MRPS28: variants seen among roughly 807,000 people sequenced by gnomAD.
The protein encoded by MRPS28 is small ribosomal subunit protein bS1m.
Under a neutral mutation model 10.8 loss-of-function variants are expected in MRPS28, and 7 were observed. The ratio of observed to expected loss-of-function variants is 0.65; its 90% CI spans 0.37 to 1.22. The LOEUF is 1.22. Ranked by LOEUF, MRPS28 falls within the 50% of genes most tolerant of loss-of-function variation. MRPS28 has a pLI of 0.02. For synonymous variants in MRPS28, 121 were observed against 93.3 expected (o/e 1.30, Z -1.71); for missense variants, 265 against 232.9 (o/e 1.14, Z -0.90).
chr8:79,982,201 C>T (rs182769914), intron 2 of MRPS28, among the ~76,000 whole-genome samples: 3 of 152,102 alleles, frequency 2.0e-5, no homozygotes, highest in Admixed American at 6.6e-5. Context: ...GAGTCAAGAT[C>T]GCACCACTGC....
At chr8:79,981,029 C>T (rs1021570791) in intron 2 of MRPS28, among the ~76,000 whole-genome samples, 12 of 152,116 alleles carry the variant, frequency 7.9e-5, no homozygotes, top group African/African-American at 2.9e-4. Flanking sequence ...AAACAAAGAG[C>T]TTTAAAAATT....
intron 2 of MRPS28, among the ~76,000 whole-genome samples, chr8:79,973,192 T>G (rs1807682030): frequency 6.6e-6 from 1 of 152,190 alleles, no homozygotes; most frequent in Non-Finnish European, 1.5e-5. Context: ...ACATTCTGGA[T>G]GTCAAGGGGT....
At chr8:79,996,426 T>C (rs1042612532) in intron 2 of MRPS28, among the ~76,000 whole-genome samples, 1 of 152,198 alleles carries the variant, frequency 6.6e-6, no homozygotes, top group African/African-American at 2.4e-5. Context: ...GAGGGTATCT[T>C]ATAAACAGCA....
intron 2 of MRPS28, among the ~76,000 whole-genome samples, chr8:79,953,989 G>A (rs768969102): frequency 7.2e-5 from 11 of 152,080 alleles, no homozygotes; most frequent in Non-Finnish European, 1.5e-4. Flanking sequence ...ATAAAATAAT[G>A]CCCTACCAGA....
intron 1 of MRPS28, among the ~76,000 whole-genome samples, chr8:80,005,779 G>C (rs894226177): frequency 6.6e-6 from 1 of 152,128 alleles, no homozygotes; most frequent in African/African-American, 2.4e-5. Context: ...AAAATAAAGG[G>C]ATGGAGGAAG....
chr8:80,023,036 T>A (rs1809408762), intron 1 of MRPS28, among the ~76,000 whole-genome samples: 1 of 152,214 alleles, frequency 6.6e-6, no homozygotes, highest in East Asian at 1.9e-4. Context: ...AAAACCTACT[T>A]TCCCCAGAGA....
rs559156302 is a variant in MRPS28 at position 79,937,509 on chromosome 8, G to A, written c.396-18361C>T. Among the ~76,000 whole-genome samples, 3 of 152,122 alleles carry A rather than the reference G, an allele frequency of 2.0e-5. No homozygotes were observed. In the South Asian group the frequency reaches 6.2e-4, roughly 32 times the overall value. On this transcript the variant is annotated intron_variant, in intron 2 of 2. Transcript: ENST00000276585. ...TAGCTTAGTGATACTGATTTTCAAC[G>A]CCTGAAAAAACACATCATATGAAAT...
intron 2 of MRPS28, among the ~76,000 whole-genome samples, chr8:79,925,357 G>A (rs1054696271): frequency 6.6e-6 from 1 of 151,894 alleles, no homozygotes; most frequent in Admixed American, 6.6e-5. Flanking sequence ...TCACAGCAAT[G>A]AGCAAAAGAG....
intron 2 of MRPS28, among the ~76,000 whole-genome samples, chr8:79,931,172 TCA>T (rs1806452039): frequency 6.6e-6 from 1 of 152,178 alleles, no homozygotes; most frequent in South Asian, 2.1e-4. Flanking sequence ...ATTTTTGTCT[TCA>T]CCATTAAGAA....
intron 2 of MRPS28, among the ~76,000 whole-genome samples, chr8:79,936,980 C>T (rs189147709): frequency 7.9e-5 from 12 of 152,292 alleles, no homozygotes; most frequent in South Asian, 4.1e-4. Context: ...CCCACCTCAG[C>T]CTCCCAAGTA....
intron 1 of MRPS28, among the ~76,000 whole-genome samples, chr8:80,015,687 C>CA (rs772834231): frequency 1.3e-5 from 2 of 152,114 alleles, no homozygotes; most frequent in Non-Finnish European, 2.9e-5. Flanking sequence ...TTTGAAGAGA[C>CA]AGAGCAAGGA....
At position 80,030,118 on chromosome 8, in the gene MRPS28, T is replaced by C; in HGVS notation, c.131A>G (p.Glu44Gly). The change falls in exon 1 of 3, where the codon GAG becomes GGG. Residue 44 changes from glutamate to glycine, a missense_variant. Glu to Gly is a moderately conservative substitution (Grantham distance 98, BLOSUM62 -2). Transcript: ENST00000276585. ...GSESGSSNAK[E>G]PKTRAGGFAS... ...GAAACCGCCTGCGCGCGTCTTAGGC[T>C]CCTTGGCATTGGAACTACCACTTTC... 1 of 1,612,140 alleles carries C rather than the reference T, an allele frequency of 6.2e-7. No homozygotes were observed. Among genetic ancestry groups the C allele is most frequent in the Non-Finnish European group, 8.5e-7 (1 of 1,179,990 alleles).
At position 79,934,561 on chromosome 8, in the gene MRPS28, A is replaced by G. The variant is rs572267369; in HGVS notation, c.396-15413T>C. Among the ~76,000 whole-genome samples, 22 of 152,350 alleles carry G rather than the reference A, an allele frequency of 1.4e-4. No individual in the cohort carries two copies. In the East Asian group the frequency reaches 4.0e-3, roughly 28 times the overall value. On this transcript the variant is annotated intron_variant, in intron 2 of 2. Coordinates refer to ENST00000276585, the MANE Select transcript of MRPS28 (RefSeq NM_014018.3). ...GGCTAACATCCAGTACAACACAGCT[A>G]ATTGTTCTACTTCAAGTAAACTATA...
At chr8:79,933,409 T>C (rs1806519778) in intron 2 of MRPS28, among the ~76,000 whole-genome samples, 1 of 152,234 alleles carries the variant, frequency 6.6e-6, no homozygotes. Context: ...TAACCTTTAT[T>C]ACTTCCTTAC....
chr8:80,001,954 C>CT (rs551598576), intron 2 of MRPS28, among the ~76,000 whole-genome samples: 29 of 147,328 alleles, frequency 2.0e-4, no homozygotes, highest in South Asian at 2.2e-4. Flanking sequence ...GAAATTGGGG[C>CT]TTTTTTTTTT....
intron 2 of MRPS28, among the ~76,000 whole-genome samples, chr8:79,953,926 G>T (rs1199984221): frequency 6.6e-6 from 1 of 152,114 alleles, no homozygotes; most frequent in African/African-American, 2.4e-5. Flanking sequence ...TTTTAAAATA[G>T]ACAATAAACA....
At chr8:79,944,694 C>CT (rs1563522576) in intron 2 of MRPS28, among the ~76,000 whole-genome samples, 4 of 63,292 alleles carry the variant, frequency 6.3e-5, no homozygotes, top group African/African-American at 1.9e-4. Context: ...TTTTCTTTTT[C>CT]TTTTTTCTTT....
chr8:80,021,235 T>A (rs1235536937), intron 1 of MRPS28, among the ~76,000 whole-genome samples: 1 of 152,176 alleles, frequency 6.6e-6, no homozygotes, highest in Non-Finnish European at 1.5e-5. Flanking sequence ...TCTCTTGACC[T>A]CATGTTCCGC....
At chr8:79,968,655 T>G (rs561519225) in intron 2 of MRPS28, among the ~76,000 whole-genome samples, 1 of 152,106 alleles carries the variant, frequency 6.6e-6, no homozygotes, top group African/African-American at 2.4e-5. Context: ...TATATCTGCC[T>G]TCTTCTCCTC....
Sources: allele counts gnomAD v4.1 joint callset (sites outside exome capture counted in the v4.1 genomes callset), GRCh38; gene constraint gnomAD v4.1.1; transcripts MANE v1.5; gene names NCBI Gene and HGNC (gene_info 2026-07-23, HGNC 2026-07-21).